LTN1: variants seen among roughly 807,000 people sequenced by gnomAD.
LTN1 encodes the protein listerin E3 ubiquitin protein ligase 1, also known as E3 ubiquitin-protein ligase listerin.
LTN1 carries 88 observed loss-of-function variants against 201.2 expected under a neutral mutation model. The observed-to-expected ratio is 0.44, with a 90% CI of 0.37 to 0.52. LTN1 has a LOEUF of 0.52. Ranked by LOEUF, LTN1 falls within the 20% of genes least tolerant of loss-of-function variation. LTN1 has a pLI of 0.00. For synonymous variants in LTN1, 645 were observed against 713.5 expected (o/e 0.90, Z 1.53); for missense variants, 1,752 against 2,038.7 (o/e 0.86, Z 2.71).
intron 5 of LTN1, 99 bp downstream of exon 5, chr21:28,982,216 CA>C (rs373867790): frequency 1.9e-3 from 1,752 of 906,618 alleles, no homozygotes; most frequent in Non-Finnish European, 2.1e-3. Flanking sequence ...GACTCTGTCT[CA>C]AAAAAAAAAC....
At chr21:28,949,960 G>A (rs2084369687) in intron 18 of LTN1, among the ~76,000 whole-genome samples, 1 of 152,086 alleles carries the variant, frequency 6.6e-6, no homozygotes, top group Non-Finnish European at 1.5e-5. Flanking sequence ...TGTATCCACT[G>A]ATTTGTCTAC....
chr21:28,992,229 G>GT (rs1373117994), intron 1 of LTN1, among the ~76,000 whole-genome samples: 1 of 152,120 alleles, frequency 6.6e-6, no homozygotes, highest in Non-Finnish European at 1.5e-5. Flanking sequence ...GAAGAGATCA[G>GT]TGTGGCTGGA....
chr21:28,930,750 C>T (rs867455233), intron 29 of LTN1, among the ~76,000 whole-genome samples: 1 of 152,180 alleles, frequency 6.6e-6, no homozygotes, highest in Non-Finnish European at 1.5e-5. Context: ...TATAAGAAAT[C>T]TCCTGTGAAA....
At position 28,966,016 on chromosome 21, in the gene LTN1, T is replaced by A. The variant is rs6516883; in HGVS notation, c.2122-110A>T. On this transcript the variant is annotated intron_variant, in intron 10 of 29. Coordinates refer to ENST00000361371, the MANE Select transcript of LTN1 (RefSeq NM_015565.3). ...TAGAACTCATGGGCTCAAGCCAATG[T>A]CTCACCTCAGCCTCCTGAGTAGCTG... The A allele has an allele frequency of 7.2e-6, 5 of 696,188 alleles. 1 individual carries two copies. The highest frequency in any genetic ancestry group is 1.2e-5 in the Non-Finnish European group (5 of 409,902). 43.1% of individuals were successfully genotyped at this position (696,188 alleles called of 1,614,324 possible). A position where few individuals can be genotyped will look rare whatever the true frequency, so the allele number is the denominator to read the frequency against.
intron 27 of LTN1, among the ~76,000 whole-genome samples, chr21:28,934,870 A>T (rs2146256156): frequency 6.6e-6 from 1 of 152,276 alleles, no homozygotes; most frequent in African/African-American, 2.4e-5. Context: ...CGCATGAAGT[A>T]ATGTTGAGAT....
Position 28,944,541 on chromosome 21 carries a change from C to T in LTN1, c.3824G>A (p.Cys1275Tyr), listed in dbSNP as rs371562279. 3.7e-6 allele frequency: 6 copies of T among 1,613,848 alleles called. No individual in the cohort carries two copies. The highest frequency in any genetic ancestry group is 5.1e-6 in the Non-Finnish European group (6 of 1,179,956). Residue 1275 changes from cysteine to tyrosine, a missense_variant, in exon 22 of 30, where the codon TGT (cysteine) becomes TAT (tyrosine). Cys to Tyr is a radical substitution (Grantham distance 194). Coordinates refer to ENST00000361371, the MANE Select transcript of LTN1 (RefSeq NM_015565.3). ...GTCACAGGCCAAATCACAGCTGACA[C>T]AGGCAAACAGTTGCACAAGTGGAAT... ...YSIPLVQLFA[C>Y]VSCDLACDLS...
In LTN1 at chr21:28,931,172, A is replaced by AT. The variant is rs1389074071; in HGVS notation, c.5220dup (p.Phe1741IlefsTer13). 1 of 1,610,426 alleles carries AT rather than the reference A, an allele frequency of 6.2e-7. No individual in the cohort carries two copies. The highest frequency in any genetic ancestry group is 1.7e-5 in the Admixed American group (1 of 59,096). On this transcript the variant is annotated frameshift_variant, in exon 29 of 30. Transcript: ENST00000361371. LOFTEE classifies it high-confidence loss of function. ...AGACTTACCAAGCAGGCTGAATGGA[A>AT]TTTTTTCTTGCATGTTCTACAGGCT...
intron 18 of LTN1, among the ~76,000 whole-genome samples, 156 bp from the exon 19 acceptor site, chr21:28,947,762 CTT>C (rs1032650150): frequency 6.6e-6 from 1 of 151,728 alleles, no homozygotes; most frequent in African/African-American, 2.4e-5. Context: ...CAAGTGCTGA[CTT>C]GATGAAATTG....
Position 28,981,116 on chromosome 21 carries a change from T to A in LTN1, c.810+3A>T, listed in dbSNP as rs1410423817. 2 of 1,504,958 alleles carry A rather than the reference T, an allele frequency of 1.3e-6. No homozygotes were observed. The highest frequency in any genetic ancestry group is 1.8e-6 in the Non-Finnish European group (2 of 1,125,946). The allele number at this position is 1,504,958 out of a possible 1,614,324, so 93.2% of individuals were successfully genotyped here. A position where few individuals can be genotyped will look rare whatever the true frequency, so the allele number is the denominator to read the frequency against. On this transcript the variant is annotated splice_donor_region_variant and intron_variant, in intron 6 of 29. Coordinates refer to ENST00000361371, the MANE Select transcript of LTN1 (RefSeq NM_015565.3). ...TGTCTTAAGATAAAAAAGATTAATA[T>A]ACCTGAGGTACACTGTGTTTTCCAT... is the stretch of plus-strand genomic sequence containing the variant.
chr21:28,957,542 A>C, intron 14 of LTN1, 66 bp from the exon 15 acceptor site: 1 of 1,105,754 alleles, frequency 9.0e-7, no homozygotes, highest in East Asian at 2.6e-5. Flanking sequence ...ACCCCAATAC[A>C]TATTAAATAC....
At chr21:28,985,188 G>A (rs890279262) in intron 3 of LTN1, among the ~76,000 whole-genome samples, 18 of 152,162 alleles carry the variant, frequency 1.2e-4, no homozygotes, top group African/African-American at 3.9e-4. Context: ...GGCCGAGCCT[G>A]GTGGCTCGTG....
chr21:28,975,511 G>A (rs2084608011), intron 6 of LTN1, among the ~76,000 whole-genome samples: 1 of 152,194 alleles, frequency 6.6e-6, no homozygotes, highest in African/African-American at 2.4e-5. Flanking sequence ...AGGGTTTGCA[G>A]GCCATGTCAT....
chr21:28,967,031 A>C lies in LTN1; in HGVS notation c.1460T>G (p.Leu487Arg). The C allele has an allele frequency of 6.2e-7, 1 of 1,614,176 alleles. No homozygotes were observed. Among genetic ancestry groups the C allele is most frequent in the Middle Eastern group, 1.6e-4 (1 of 6,062 alleles). Reference protein sequence around the residue: ...EKTAHNLENVLIHFWERLSEI... With the variant: ...EKTAHNLENVRIHFWERLSEI... ...TGACAGTCTTTCCCAGAAATGTATC[A>C]GTACGTTCTCCAAGTTGTGAGCTGT... The change falls in exon 10 of 30, where the codon CTG becomes CGG. Residue 487 changes from leucine (L) to arginine (R), a missense_variant. Physicochemically the swap from Leu to Arg is moderately radical, Grantham distance 102 (BLOSUM62 -2). Around this residue, in one of 3 missense-constraint regions of LTN1, gnomAD observed 1,211 missense variants for 1,312.8 expected, o/e 0.92. Coordinates refer to ENST00000361371, the MANE Select transcript of LTN1 (RefSeq NM_015565.3).
At chr21:28,963,959 T>A (rs562642304) in intron 11 of LTN1, among the ~76,000 whole-genome samples, 2 of 152,286 alleles carry the variant, frequency 1.3e-5, no homozygotes, top group South Asian at 4.1e-4. Flanking sequence ...AGCCTCAAGA[T>A]GTGACTGAAA....
Position 28,952,038 on chromosome 21 carries a change from G to A in LTN1, c.3344+122C>T, listed in dbSNP as rs556992328. 1.7e-4 allele frequency: 95 copies of A among 573,674 alleles called. 2 individuals are homozygous for A. Among genetic ancestry groups the A allele is most frequent in the South Asian group, 1.3e-3 (50 of 39,348 alleles). 35.5% of individuals were successfully genotyped at this position (573,674 alleles called of 1,614,324 possible). On this transcript the variant is annotated intron_variant, in intron 18 of 29. Transcript: ENST00000361371. ...AAACAATTTAATTTGCCTTGAAGTCGTTAATTTCCTCATTTCCTAAACCTG... is the reference window on the plus strand; with the variant it reads ...AAACAATTTAATTTGCCTTGAAGTCATTAATTTCCTCATTTCCTAAACCTG...
rs957348687 is a variant in LTN1, at chr21:28,928,858, A to G, written c.*1590T>C. 1.3e-5 allele frequency: 2 copies of G among 152,556 alleles called. No homozygotes were observed. Among genetic ancestry groups the G allele is most frequent in the African/African-American group, 2.4e-5 (1 of 41,430 alleles). 9.5% of individuals were successfully genotyped at this position (152,556 alleles called of 1,614,324 possible). On this transcript the variant is annotated 3_prime_UTR_variant, in exon 30 of 30. Coordinates refer to ENST00000361371, the MANE Select transcript of LTN1 (RefSeq NM_015565.3). ...ACAGTCTTATTATAAAACCATTTTTAAAGGAAAAGTAATAACTTTCACGGG... is the reference window on the plus strand; with the variant it reads ...ACAGTCTTATTATAAAACCATTTTTGAAGGAAAAGTAATAACTTTCACGGG...
intron 18 of LTN1, among the ~76,000 whole-genome samples, chr21:28,949,905 T>C (rs981506263): frequency 6.6e-6 from 1 of 152,202 alleles, no homozygotes; most frequent in Non-Finnish European, 1.5e-5. Flanking sequence ...ATGCCACCTA[T>C]ATTAAAAACT....
At chr21:28,950,773 C>T (rs2084375737) in intron 18 of LTN1, among the ~76,000 whole-genome samples, 1 of 152,184 alleles carries the variant, frequency 6.6e-6, no homozygotes, top group East Asian at 1.9e-4. Context: ...TTTGGCCTTC[C>T]AAAGTGCTGG....
chr21:28,987,841 G>A (rs2084710156), intron 1 of LTN1, among the ~76,000 whole-genome samples: 1 of 152,122 alleles, frequency 6.6e-6, no homozygotes, highest in African/African-American at 2.4e-5. Flanking sequence ...ATCCAAATGT[G>A]TGATTCAAAT....
Sources: gnomAD v4.1 joint callset for allele counts (sites outside exome capture counted in the v4.1 genomes callset) on GRCh38, gnomAD v4.1.1 for gene constraint, gnomAD v4.1.1 regional missense constraint, MANE v1.5 for transcripts, NCBI Gene and HGNC (gene_info 2026-07-23, HGNC 2026-07-21) for gene names.